Variants in TMTC2 observed in about 807,000 individuals in gnomAD.
The protein encoded by TMTC2 is protein O-mannosyl-transferase TMTC2.
TMTC2 carries 43 observed loss-of-function variants against 82.4 expected under a neutral mutation model. That is an observed-to-expected ratio of 0.52 (90% confidence interval 0.41 to 0.67). The LOEUF is 0.67. Ranked by LOEUF, TMTC2 falls within the 30% of genes least tolerant of loss-of-function variation. TMTC2 has a pLI of 0.00. For synonymous variants in TMTC2, 408 were observed against 381.9 expected, an observed-to-expected ratio of 1.07 and a Z score of -0.80; for missense variants, 919 against 1,012.4, an observed-to-expected ratio of 0.91 and a Z score of 1.25.
At chr12:82,727,753 C>T (rs1348838105) in intron 1 of TMTC2, among the ~76,000 whole-genome samples, 1 of 151,244 alleles carries the variant, frequency 6.6e-6, no homozygotes, top group Non-Finnish European at 1.5e-5. Context: ...ATCCAACTTT[C>T]ACCTGGAAAC....
chr12:82,901,300 A>AT (rs202212249), intron 3 of TMTC2, among the ~76,000 whole-genome samples: 3 of 85,344 alleles, frequency 3.5e-5, no homozygotes, highest in East Asian at 4.6e-4. Context: ...ATATATATAT[A>AT]TTTTTTTTTC....
intron 8 of TMTC2, among the ~76,000 whole-genome samples, chr12:82,990,279 A>G (rs908443245): frequency 2.0e-5 from 3 of 152,190 alleles, no homozygotes; most frequent in African/African-American, 7.2e-5. Context: ...TTATATGTTT[A>G]CAAGATATAT....
chr12:82,895,701 ACAT>A lies in TMTC2; in HGVS notation c.655-113_655-111del, dbSNP rs1873626821. On this transcript the variant is annotated intron_variant, in intron 2 of 11. Coordinates refer to ENST00000321196, the MANE Select transcript of TMTC2 (RefSeq NM_152588.3). ...ATGGACATGAAGTCATGTTTTGGAGACATCATGCTGTGTTTTTAACGGTCCATT... is the reference window on the plus strand; with the variant it reads ...ATGGACATGAAGTCATGTTTTGGAGACATGCTGTGTTTTTAACGGTCCATT... 4 of 890,544 alleles carry A rather than the reference ACAT, an allele frequency of 4.5e-6. No individual in the cohort carries two copies. In the South Asian group the frequency reaches 8.8e-5, roughly 20 times the overall value. The allele number at this position is 890,544 out of a possible 1,614,324, so 55.2% of individuals were successfully genotyped here.
chr12:83,127,353 G>T (rs1242939405), intron 11 of TMTC2, among the ~76,000 whole-genome samples: 2 of 151,946 alleles, frequency 1.3e-5, no homozygotes, highest in African/African-American at 2.4e-5. Flanking sequence ...AGAAATATTG[G>T]TCTATTATCT....
intron 1 of TMTC2, among the ~76,000 whole-genome samples, chr12:82,704,416 C>T (rs1873243131): frequency 6.6e-6 from 1 of 151,956 alleles, no homozygotes; most frequent in Admixed American, 6.6e-5. Flanking sequence ...TCTTTGGAAG[C>T]ACATATAAAA....
intron 1 of TMTC2, among the ~76,000 whole-genome samples, chr12:82,779,884 G>A (rs986390181): frequency 7.9e-5 from 12 of 152,090 alleles, no homozygotes; most frequent in African/African-American, 2.9e-4. Flanking sequence ...GGGCAACAGA[G>A]CGAGACTCCG....
chr12:82,742,674 C>T (rs1407130534), intron 1 of TMTC2, among the ~76,000 whole-genome samples: 1 of 151,640 alleles, frequency 6.6e-6, no homozygotes, highest in African/African-American at 2.4e-5. Flanking sequence ...CGCCTGCCAT[C>T]ATGCCAGGCT....
chr12:83,124,160 T>C (rs147544734), intron 11 of TMTC2, among the ~76,000 whole-genome samples: 3 of 152,252 alleles, frequency 2.0e-5, no homozygotes, highest in Non-Finnish European at 2.9e-5. Flanking sequence ...GTACTTAAAA[T>C]TACTTCAAGC....
chr12:82,701,043 C>T (rs1873052166), intron 1 of TMTC2, among the ~76,000 whole-genome samples: 1 of 152,142 alleles, frequency 6.6e-6, no homozygotes, highest in African/African-American at 2.4e-5. Context: ...GATTCAATTA[C>T]TTCCCACCAG....
intron 1 of TMTC2, among the ~76,000 whole-genome samples, chr12:82,819,928 C>T (rs773300640): frequency 4.6e-5 from 7 of 152,090 alleles, no homozygotes; most frequent in Non-Finnish European, 7.4e-5. Flanking sequence ...TGAGGTCCCA[C>T]GATAGGCCAT....
At chr12:82,699,615 A>G (rs990268048) in intron 1 of TMTC2, among the ~76,000 whole-genome samples, 5 of 152,340 alleles carry the variant, frequency 3.3e-5, no homozygotes, top group East Asian at 1.9e-4. Context: ...GTTTGTGTCA[A>G]TCAGTTTTGT....
chr12:83,067,397 A>C, intron 11 of TMTC2, among the ~76,000 whole-genome samples: 1 of 152,124 alleles, frequency 6.6e-6, no homozygotes, highest in South Asian at 2.1e-4. Flanking sequence ...GATACTAAAA[A>C]TGTGTGTGTG....
intron 1 of TMTC2, among the ~76,000 whole-genome samples, chr12:82,830,255 A>G (rs1869675364): frequency 6.6e-6 from 1 of 152,120 alleles, no homozygotes; most frequent in Admixed American, 6.5e-5. Flanking sequence ...TTGTGTTTTT[A>G]TAATTGTACC....
rs563933440 is a variant in TMTC2 at position 83,122,620 on chromosome 12, G to T, written c.2332-9590G>T. ...CGCCAGTGGGGGTGTGTGTTCGGGG[G>T]CGGATGACCTCCTTTTCCCACTTCC... On this transcript the variant is annotated intron_variant, in intron 11 of 11. Coordinates refer to ENST00000321196, the MANE Select transcript of TMTC2 (RefSeq NM_152588.3). 1.1e-4 allele frequency among the ~76,000 whole-genome samples: 17 copies of T among 152,282 alleles called. No homozygotes were observed. The Middle Eastern group carries it at 0.01, about 91-fold the overall frequency.
chr12:83,088,604 G>A (rs1883739197), intron 11 of TMTC2, among the ~76,000 whole-genome samples: 1 of 152,182 alleles, frequency 6.6e-6, no homozygotes, highest in South Asian at 2.1e-4. Flanking sequence ...CCGAGGAGAA[G>A]GAGAAAGATG....
Position 82,866,263 on chromosome 12 carries a change from AC to A in TMTC2, c.654+8684del, listed in dbSNP as rs145818393. Reference sequence around the variant, plus strand: ...AAAGATCAAAAAAAAAAAAAAAAAAACAAAAAACTTTCTTTCTCCTGTGTCC... The same window carrying A: ...AAAGATCAAAAAAAAAAAAAAAAAAAAAAAAACTTTCTTTCTCCTGTGTCC... On this transcript the variant is annotated intron_variant, in intron 2 of 11. Coordinates refer to ENST00000321196, the MANE Select transcript of TMTC2 (RefSeq NM_152588.3). 2.8e-4 allele frequency among the ~76,000 whole-genome samples: 42 copies of A among 151,072 alleles called. 1 individual carries two copies. The highest frequency in any genetic ancestry group is 6.5e-4 in the African/African-American group (27 of 41,284).
At position 82,914,368 on chromosome 12, in the gene TMTC2, C is replaced by T. The variant is rs867357297; in HGVS notation, c.1484-16063C>T. On this transcript the variant is annotated intron_variant, in intron 3 of 11. Coordinates refer to ENST00000321196, the MANE Select transcript of TMTC2 (RefSeq NM_152588.3). ...TAGTATTTACTTTTGCCCTGTTCAA[C>T]ACTAGCTACTGGATTGATCACAGTG... is the stretch of plus-strand genomic sequence containing the variant. 2.0e-5 allele frequency among the ~76,000 whole-genome samples: 3 copies of T among 151,964 alleles called. No individual in the cohort carries two copies. In the South Asian group the frequency reaches 6.2e-4, roughly 32 times the overall value.
intron 8 of TMTC2, among the ~76,000 whole-genome samples, chr12:83,020,950 T>C (rs1208982809): frequency 6.6e-6 from 1 of 152,222 alleles, no homozygotes; most frequent in Non-Finnish European, 1.5e-5. Flanking sequence ...CAAAGCTGTG[T>C]AGAAAGCAAC....
intron 8 of TMTC2, among the ~76,000 whole-genome samples, chr12:82,994,938 G>A (rs971414866): frequency 3.5e-4 from 45 of 128,872 alleles, no homozygotes; most frequent in African/African-American, 3.3e-4. Context: ...TCCACCCCCC[G>A]CCCCCCATTT....
Sources: gnomAD v4.1 joint callset for allele counts (sites outside exome capture counted in the v4.1 genomes callset) on GRCh38, gnomAD v4.1.1 for gene constraint, MANE v1.5 for transcripts, NCBI Gene and HGNC (gene_info 2026-07-23, HGNC 2026-07-21) for gene names.